MID1: variants seen among roughly 807,000 people sequenced by gnomAD.
MID1 encodes E3 ubiquitin-protein ligase Midline-1.
A neutral mutation model predicts 40.4 loss-of-function variants in MID1; 7 were observed. The ratio of observed to expected loss-of-function variants is 0.17; its 90% confidence interval spans 0.10 to 0.33. The LOEUF (loss-of-function observed/expected upper bound fraction) is 0.33, where lower values mean the gene tolerates loss of function less well. Among genes scored for constraint, MID1 ranks in the 10% least tolerant of loss-of-function variants. The probability of loss-of-function intolerance (pLI) is 1.00; values close to 1 mark genes in which losing one functional copy is unlikely to be tolerated. For missense variants in MID1, 367 were observed against 558.5 expected, an observed-to-expected ratio of 0.66 and a Z score of 3.46; for synonymous variants, 229 against 221.2, an observed-to-expected ratio of 1.04 and a Z score of -0.31.
intron 1 of MID1, among the ~76,000 whole-genome samples, chrX:10,718,673 G>A (rs1214906486): frequency 3.6e-5 from 4 of 111,870 alleles, no homozygotes; most frequent in African/African-American, 9.8e-5. Context: ...TAGAAAAAGA[G>A]GGAATCCTCC....
intron 1 of MID1, among the ~76,000 whole-genome samples, chrX:10,626,667 G>A (rs1420729605): frequency 8.9e-6 from 1 of 111,817 alleles, no homozygotes; most frequent in Non-Finnish European, 1.9e-5. Context: ...CAATGACGAG[G>A]ACAGAACACC....
At chrX:10,642,601 T>C (rs1327358837) in intron 1 of MID1, among the ~76,000 whole-genome samples, 2 of 110,441 alleles carry the variant, frequency 1.8e-5, no homozygotes, top group African/African-American at 6.7e-5. Flanking sequence ...AGGTAATTTA[T>C]AGATTCAATG....
chrX:10,583,783 A>G (rs895304145), intron 1 of MID1, among the ~76,000 whole-genome samples: 2 of 111,645 alleles, frequency 1.8e-5, no homozygotes, highest in African/African-American at 6.5e-5. Flanking sequence ...CTGTAAACCC[A>G]GAACTTTGGG....
At chrX:10,597,383 A>G (rs746714519) in intron 1 of MID1, among the ~76,000 whole-genome samples, 120 of 112,141 alleles carry the variant, frequency 1.1e-3, no homozygotes, top group Middle Eastern at 4.6e-3. Flanking sequence ...TAGTACAACT[A>G]AAGTATTACA....
At chrX:10,554,376 A>G (rs1934038866) in intron 2 of MID1, among the ~76,000 whole-genome samples, 1 of 112,063 alleles carries the variant, frequency 8.9e-6, no homozygotes, top group Non-Finnish European at 1.9e-5. Flanking sequence ...AACAACTTAA[A>G]GCAGCATCTT....
At chrX:10,551,363 C>G (rs1933903104) in intron 2 of MID1, among the ~76,000 whole-genome samples, 1 of 112,399 alleles carries the variant, frequency 8.9e-6, no homozygotes, top group South Asian at 3.7e-4. Context: ...TCACTGCTGC[C>G]TGAATTAAAG....
intron 4 of MID1, among the ~76,000 whole-genome samples, chrX:10,487,953 A>C (rs1030204987): frequency 9.1e-6 from 1 of 109,911 alleles, no homozygotes; most frequent in Admixed American, 9.8e-5. Context: ...TATTACAAGT[A>C]AAATTAACAT....
chrX:10,491,124 T>G (rs891360183), intron 4 of MID1, among the ~76,000 whole-genome samples: 1 of 111,963 alleles, frequency 8.9e-6, no homozygotes, highest in Non-Finnish European at 1.9e-5. Context: ...GAGGACCAGA[T>G]AGTCAATATT....
chrX:10,611,335 G>C (rs1164981182), intron 1 of MID1, among the ~76,000 whole-genome samples: 1 of 112,188 alleles, frequency 8.9e-6, no homozygotes, highest in Non-Finnish European at 1.9e-5. Flanking sequence ...AGAAAAAAAT[G>C]TGTTCGAAAT....
intron 9 of MID1, among the ~76,000 whole-genome samples, chrX:10,452,401 G>T (rs1602238082): frequency 8.9e-6 from 1 of 112,097 alleles, no homozygotes; most frequent in African/African-American, 3.2e-5. Context: ...TGTGAAACTA[G>T]GTACATATTT....
intron 1 of MID1, among the ~76,000 whole-genome samples, chrX:10,819,746 G>T (rs914159010): frequency 1.8e-5 from 2 of 111,480 alleles, no homozygotes; most frequent in Non-Finnish European, 3.8e-5. Flanking sequence ...TTCTTCTCTT[G>T]GGAATTCCCT....
chrX:10,787,064 T>C (rs919850514), intron 1 of MID1, among the ~76,000 whole-genome samples: 1 of 110,983 alleles, frequency 9.0e-6, no homozygotes, highest in Non-Finnish European at 1.9e-5. Flanking sequence ...TCTAAGACAG[T>C]AGGAAAAGAT....
intron 1 of MID1, among the ~76,000 whole-genome samples, chrX:10,573,772 T>C (rs1355346415): frequency 8.9e-6 from 1 of 112,364 alleles, no homozygotes; most frequent in Non-Finnish European, 1.9e-5. Flanking sequence ...TCTCTGAGAA[T>C]GACTGCTAGG....
chrX:10,477,594 T>C (rs1175370383), intron 5 of MID1, among the ~76,000 whole-genome samples: 1 of 112,430 alleles, frequency 8.9e-6, no homozygotes, highest in Non-Finnish European at 1.9e-5. Flanking sequence ...CCCAAATCCT[T>C]ATTGCCCATC....
In MID1 at chrX:10,811,332, C is replaced by A. The variant is rs764478160; in HGVS notation, c.-187+22222G>T. Among the ~76,000 whole-genome samples the A allele has an allele frequency of 2.7e-5, 3 of 112,280 alleles. No individual in the cohort carries two copies. In the East Asian group the frequency reaches 8.4e-4, roughly 31 times the overall value. ...CTCATTTCTGCTTTTTTAACCATCA[C>A]TTTGTATAGTAGTTGCTATGAGCCA... is the stretch of plus-strand genomic sequence containing the variant. On this transcript the variant is annotated intron_variant, in intron 1 of 10. Transcript: ENST00000380785.
At chrX:10,453,447 G>A (rs189642248) in intron 9 of MID1, among the ~76,000 whole-genome samples, 19 of 111,931 alleles carry the variant, frequency 1.7e-4, no homozygotes, top group Non-Finnish European at 3.6e-4. Flanking sequence ...TTAAAGCAAG[G>A]ATTCAGCTAT....
At chrX:10,598,645 C>T (rs957433351) in intron 1 of MID1, among the ~76,000 whole-genome samples, 1 of 112,162 alleles carries the variant, frequency 8.9e-6, no homozygotes. Context: ...GAGATGGCCA[C>T]TTAAGAAGGA....
intron 2 of MID1, among the ~76,000 whole-genome samples, chrX:10,558,065 TAAA>T (rs368289385): frequency 0.016 from 1,451 of 89,774 alleles, 88 homozygotes; most frequent in Admixed American, 0.15. Context: ...CTCTCTCTCT[TAAA>T]AAAAAAAAAA....
At chrX:10,737,903 G>A (rs2043497634) in intron 1 of MID1, among the ~76,000 whole-genome samples, 1 of 111,202 alleles carries the variant, frequency 9.0e-6, no homozygotes, top group Non-Finnish European at 1.9e-5. Context: ...GAGAGGTGCC[G>A]AATGACAGAG....
Sources: allele counts gnomAD v4.1 joint callset (sites outside exome capture counted in the v4.1 genomes callset), GRCh38; gene constraint gnomAD v4.1.1; transcripts MANE v1.5; gene names NCBI Gene and HGNC (gene_info 2026-07-23, HGNC 2026-07-21).